SLC12A7: variants seen among roughly 807,000 people sequenced by gnomAD.
The protein encoded by SLC12A7 is K-Cl cotransporter 4.
A neutral mutation model predicts 120.6 loss-of-function variants in SLC12A7; 100 were observed. The ratio of observed to expected loss-of-function variants is 0.83; its 90% CI spans 0.71 to 0.98. The LOEUF (loss-of-function observed/expected upper bound fraction) is 0.98. Ranked by LOEUF, SLC12A7 falls within the 50% of genes least tolerant of loss-of-function variation. The probability of loss-of-function intolerance (pLI) is 0.00; values close to 1 mark genes in which losing one functional copy is unlikely to be tolerated. For synonymous variants in SLC12A7, 760 were observed against 678.0 expected (o/e 1.12, Z -1.88); for missense variants, 1,373 against 1,548.1 (o/e 0.89, Z 1.90).
intron 1 of SLC12A7, among the ~76,000 whole-genome samples, chr5:1,109,644 C>T (rs73031117): frequency 0.047 from 7,174 of 151,278 alleles, 578 homozygotes; most frequent in African/African-American, 0.16. Flanking sequence ...CCAGGCAGCC[C>T]GGGCAGCAGC....
At chr5:1,079,752 C>G (rs929392309) in intron 9 of SLC12A7, among the ~76,000 whole-genome samples, 1 of 152,208 alleles carries the variant, frequency 6.6e-6, no homozygotes, top group African/African-American at 2.4e-5. Context: ...GTCACTGACC[C>G]CCACGCCCCC....
intron 1 of SLC12A7, among the ~76,000 whole-genome samples, chr5:1,098,126 C>T (rs1741504852): frequency 8.4e-6 from 1 of 119,090 alleles, no homozygotes; most frequent in African/African-American, 3.5e-5. Flanking sequence ...CTCTAACCCT[C>T]TGCAAGCCCA....
At chr5:1,121,305 C>T in the SLC12A7 span, among the ~76,000 whole-genome samples, 5 of 152,370 alleles carry the variant, frequency 3.3e-5, no homozygotes, top group South Asian at 1.0e-3. Flanking sequence ...TGTGTCGGTC[C>T]CCAGACAGCA....
At chr5:1,059,282 C>G (rs547695003) in intron 21 of SLC12A7, among the ~76,000 whole-genome samples, 4 of 152,218 alleles carry the variant, frequency 2.6e-5, no homozygotes, top group Non-Finnish European at 5.9e-5. Context: ...GCTCCACACG[C>G]CTTTCTCTGT....
At chr5:1,082,362 CA>C (rs1739265516) in intron 8 of SLC12A7, among the ~76,000 whole-genome samples, 6 of 82,908 alleles carry the variant, frequency 7.2e-5, no homozygotes, top group Non-Finnish European at 1.0e-4. Context: ...CTGGAAAGTC[CA>C]GGCTTCCCGT....
upstream of SLC12A7, among the ~76,000 whole-genome samples, chr5:1,115,794 G>C (rs1743292493): frequency 1.3e-5 from 2 of 149,036 alleles, no homozygotes; most frequent in South Asian, 4.2e-4. Context: ...GAGTGGGGGA[G>C]AGAGCGAATA....
chr5:1,065,785 A>G (rs1736988395), intron 17 of SLC12A7, among the ~76,000 whole-genome samples: 1 of 151,970 alleles, frequency 6.6e-6, no homozygotes. Context: ...AACATCCCAG[A>G]CCCACCCCCA....
chr5:1,119,901 C>T, the SLC12A7 span, among the ~76,000 whole-genome samples: 3 of 152,346 alleles, frequency 2.0e-5, no homozygotes, highest in Non-Finnish European at 2.9e-5. Context: ...GCTGCTTCTG[C>T]CTCCCCGCAA....
At chr5:1,065,199 GAC>G (rs1561044320) in intron 18 of SLC12A7, 82 bp downstream of exon 18, 3 of 3,304 alleles carry the variant, frequency 9.1e-4, no homozygotes, top group African/African-American at 1.3e-3. Flanking sequence ...ACACTGAGGA[GAC>G]ACACAGGGGA....
At chr5:1,077,431 G>A (rs1444802254) in intron 12 of SLC12A7, among the ~76,000 whole-genome samples, 1 of 152,172 alleles carries the variant, frequency 6.6e-6, no homozygotes, top group Non-Finnish European at 1.5e-5. Flanking sequence ...GCAATCCTCA[G>A]AGCAGCCACA....
chr5:1,114,619 G>A (rs2150918399), upstream of SLC12A7, among the ~76,000 whole-genome samples: 1 of 152,288 alleles, frequency 6.6e-6, no homozygotes, highest in East Asian at 1.9e-4. Flanking sequence ...ACCTGTTGTA[G>A]GAAGTGGCCC....
At position 1,111,818 on chromosome 5, in the gene SLC12A7, C is replaced by G. The variant is rs1350895204; in HGVS notation, c.124+50G>C. The G allele has an allele frequency of 4.2e-6, 5 of 1,193,986 alleles. No individual in the cohort carries two copies. The African/African-American group carries it at 6.4e-5, about 15-fold the overall frequency. 74.0% of individuals were successfully genotyped at this position (1,193,986 alleles called of 1,614,324 possible). A position where few individuals can be genotyped will look rare whatever the true frequency, so the allele number is the denominator to read the frequency against. On this transcript the variant is annotated intron_variant, in intron 1 of 23. Coordinates refer to ENST00000264930, the MANE Select transcript of SLC12A7 (RefSeq NM_006598.3). The stretch of plus-strand genomic sequence containing the variant: ...CCGCTCCCGGATGCCGGGCCCAGAC[C>G]CGCGCTCGGGGCGCTCGGCCTTTGT...
intron 5 of SLC12A7, among the ~76,000 whole-genome samples, chr5:1,087,793 C>T (rs1452515372): frequency 1.3e-5 from 2 of 152,284 alleles, no homozygotes; most frequent in East Asian, 3.9e-4. Flanking sequence ...TATCGTAATT[C>T]GTTTATTACT....
At chr5:1,092,939 G>A (rs573938162) in intron 3 of SLC12A7, among the ~76,000 whole-genome samples, 2 of 152,240 alleles carry the variant, frequency 1.3e-5, no homozygotes, top group East Asian at 3.9e-4. Context: ...CAGGCAACCC[G>A]TCTGTACAGG....
chr5:1,100,578 G>A (rs1316778495), intron 1 of SLC12A7, among the ~76,000 whole-genome samples: 1 of 152,258 alleles, frequency 6.6e-6, no homozygotes, highest in South Asian at 2.1e-4. Context: ...GCGCTCGTGG[G>A]TAACAGAGGA....
chr5:1,119,601 A>G, the SLC12A7 span, among the ~76,000 whole-genome samples: 3 of 152,226 alleles, frequency 2.0e-5, no homozygotes, highest in African/African-American at 7.2e-5. Context: ...ACCGTCGGGC[A>G]GCGACCGTTT....
chr5:1,091,093 C>T (rs565857310), intron 3 of SLC12A7, among the ~76,000 whole-genome samples: 8 of 152,340 alleles, frequency 5.3e-5, no homozygotes, highest in South Asian at 2.1e-4. Flanking sequence ...GGTCCCTCCA[C>T]GACTGAAACG....
At chr5:1,155,851 C>T in the SLC12A7 span, among the ~76,000 whole-genome samples, 1 of 151,268 alleles carries the variant, frequency 6.6e-6, no homozygotes, top group South Asian at 2.1e-4. Flanking sequence ...GGGGTCACCA[C>T]GAAGCGCTGG....
the SLC12A7 span, among the ~76,000 whole-genome samples, chr5:1,133,207 C>T: frequency 6.6e-6 from 1 of 152,224 alleles, no homozygotes; most frequent in Non-Finnish European, 1.5e-5. Flanking sequence ...TGAGCCACCG[C>T]ACCCAGCTGC....
Sources: gnomAD v4.1 joint callset for allele counts (sites outside exome capture counted in the v4.1 genomes callset) on GRCh38, gnomAD v4.1.1 for gene constraint, MANE v1.5 for transcripts, NCBI Gene and HGNC (gene_info 2026-07-23, HGNC 2026-07-21) for gene names.